TENM3: variants seen among roughly 807,000 people sequenced by gnomAD.
The protein encoded by TENM3 is teneurin-3.
In TENM3, 63 loss-of-function variants were observed where a neutral mutation model predicts 255.1. The ratio of observed to expected loss-of-function variants is 0.25; its 90% CI spans 0.20 to 0.30. The LOEUF is 0.30. Ranked by LOEUF, TENM3 falls within the 10% of genes least tolerant of loss-of-function variation. TENM3 has a pLI of 1.00. For synonymous variants in TENM3, 1,306 were observed against 1,322.3 expected, an observed-to-expected ratio of 0.99 and a Z score of 0.27; for missense variants, 2,929 against 3,461.1, an observed-to-expected ratio of 0.85 and a Z score of 3.86.
At chr4:182,205,555 G>C (rs957705370) in intron 1 of TENM3, among the ~76,000 whole-genome samples, 4 of 152,176 alleles carry the variant, frequency 2.6e-5, no homozygotes, top group Non-Finnish European at 5.9e-5. Context: ...TTTACACCCA[G>C]CCTTTCTCCT....
At chr4:182,484,978 T>C (rs1561496269) in intron 3 of TENM3, among the ~76,000 whole-genome samples, 1 of 152,166 alleles carries the variant, frequency 6.6e-6, no homozygotes, top group African/African-American at 2.4e-5. Context: ...CATTTTAACT[T>C]AGAAAGATAC....
the TENM3 span, among the ~76,000 whole-genome samples, chr4:181,759,724 A>ATGTGTGTGTG: frequency 0.051 from 7,474 of 146,528 alleles, 228 homozygotes; most frequent in Non-Finnish European, 0.068. Flanking sequence ...CAATCAACAG[A>ATGTGTGTGTG]TGTGTGTGTG....
chr4:182,159,658 G>T (rs1579541947), intron 1 of TENM3, among the ~76,000 whole-genome samples: 1 of 152,256 alleles, frequency 6.6e-6, no homozygotes, highest in East Asian at 1.9e-4. Flanking sequence ...TCCCTGGCTT[G>T]CCAAGTTACC....
chr4:182,391,418 G>T (rs2150982315), intron 3 of TENM3, among the ~76,000 whole-genome samples: 1 of 152,246 alleles, frequency 6.6e-6, no homozygotes, highest in Non-Finnish European at 1.5e-5. Flanking sequence ...AAGTTACTGA[G>T]CGCTCATTGT....
At chr4:182,030,235 C>A in the TENM3 span, among the ~76,000 whole-genome samples, 5,187 of 152,058 alleles carry the variant, frequency 0.034, 221 homozygotes, top group African/African-American at 0.099. Context: ...TCTCTCCCCC[C>A]ACCCCACCCC....
intron 3 of TENM3, among the ~76,000 whole-genome samples, chr4:182,414,308 C>T (rs1770212770): frequency 6.6e-6 from 1 of 152,128 alleles, no homozygotes; most frequent in Non-Finnish European, 1.5e-5. Flanking sequence ...ATGTTCTCTG[C>T]TCTCTGTGGA....
the TENM3 span, among the ~76,000 whole-genome samples, chr4:181,995,221 C>G: frequency 6.6e-6 from 1 of 151,282 alleles, no homozygotes; most frequent in Non-Finnish European, 1.5e-5. Flanking sequence ...ACCCGGGGGG[C>G]GGAGGTTGCA....
intron 1 of TENM3, among the ~76,000 whole-genome samples, chr4:182,258,798 A>C (rs1758597182): frequency 6.6e-6 from 1 of 152,186 alleles, no homozygotes; most frequent in South Asian, 2.1e-4. Context: ...TAGTAGCCTG[A>C]CAAAGAAACT....
the TENM3 span, among the ~76,000 whole-genome samples, chr4:181,988,537 A>T: frequency 5.3e-5 from 8 of 152,108 alleles, no homozygotes; most frequent in Non-Finnish European, 1.0e-4. Context: ...GATGATGATG[A>T]TGATAGCATA....
chr4:181,675,137 G>A, the TENM3 span, among the ~76,000 whole-genome samples: 1 of 152,128 alleles, frequency 6.6e-6, no homozygotes, highest in Non-Finnish European at 1.5e-5. Flanking sequence ...TATTAGAATT[G>A]AAGTTATTTC....
At chr4:181,474,608 G>T in the TENM3 span, among the ~76,000 whole-genome samples, 2 of 151,872 alleles carry the variant, frequency 1.3e-5, no homozygotes, top group African/African-American at 4.8e-5. Flanking sequence ...GGTGGCGGGC[G>T]CCTGTAATCC....
Position 182,793,365 on chromosome 4 carries a change from C to T in TENM3, c.6693C>T (p.Gly2231=), listed in dbSNP as rs372349297. The T allele has an allele frequency of 1.8e-5, 29 of 1,613,762 alleles. No homozygotes were observed. The African/African-American group carries it at 3.5e-4, about 19-fold the overall frequency. Residue 2231 remains glycine (G), a synonymous_variant, in exon 26 of 28, where the codon GGC becomes GGT. Transcript: ENST00000511685. The surrounding 1 kb of genome is among the most constrained non-coding windows in gnomAD (Gnocchi z 5.7). ...SGWTVIYRYD[G]LGRRVSSKTS... is the part of the protein sequence containing the mutation. ...GGACAGTGATCTACCGTTATGACGG[C>T]CTGGGAAGGCGTGTTTCTAGCAAAA...
chr4:181,637,502 G>A, the TENM3 span, among the ~76,000 whole-genome samples: 2 of 152,178 alleles, frequency 1.3e-5, no homozygotes, highest in Admixed American at 6.5e-5. Flanking sequence ...CTATCCAGAC[G>A]TGAAGGAGAC....
chr4:181,460,678 CTT>C, the TENM3 span, among the ~76,000 whole-genome samples: 1 of 136,856 alleles, frequency 7.3e-6, no homozygotes. Context: ...AGCTATAGTT[CTT>C]TTTTTTTTTT....
At chr4:181,603,796 T>G in the TENM3 span, among the ~76,000 whole-genome samples, 1 of 152,096 alleles carries the variant, frequency 6.6e-6, no homozygotes, top group East Asian at 1.9e-4. Context: ...CAGTACTAGC[T>G]TCAGAAGAGA....
At chr4:181,676,722 A>G in the TENM3 span, among the ~76,000 whole-genome samples, 3 of 152,176 alleles carry the variant, frequency 2.0e-5, no homozygotes, top group Admixed American at 1.3e-4. Flanking sequence ...TATTTATTTG[A>G]TTACAGGTGT....
the TENM3 span, among the ~76,000 whole-genome samples, chr4:181,700,838 T>A: frequency 6.6e-6 from 1 of 152,188 alleles, no homozygotes; most frequent in Non-Finnish European, 1.5e-5. Flanking sequence ...ACATTTCTGA[T>A]GTGAACTAGA....
chr4:181,885,956 C>G, the TENM3 span, among the ~76,000 whole-genome samples: 1 of 151,550 alleles, frequency 6.6e-6, no homozygotes, highest in African/African-American at 2.4e-5. Context: ...CAAGTCATAT[C>G]TTGCCTAACA....
intron 3 of TENM3, among the ~76,000 whole-genome samples, chr4:182,445,245 C>G (rs17073305): frequency 0.017 from 2,644 of 152,348 alleles, 63 homozygotes; most frequent in East Asian, 0.095. Flanking sequence ...ACATGATTAA[C>G]TTCTCTAAGC....
Sources: gnomAD v4.1 joint callset for allele counts (sites outside exome capture counted in the v4.1 genomes callset) on GRCh38, gnomAD v4.1.1 for gene constraint, Gnocchi (gnomAD v3.1) non-coding constraint, MANE v1.5 for transcripts, NCBI Gene and HGNC (gene_info 2026-07-23, HGNC 2026-07-21) for gene names.